The following AHCYL1 variants were observed in gnomAD, a reference collection of about 807,000 sequenced individuals.
AHCYL1 encodes adenosylhomocysteinase like 1.
A neutral mutation model predicts 79.3 loss-of-function variants in AHCYL1; 20 were observed. The ratio of observed to expected loss-of-function variants is 0.25; its 90% CI spans 0.18 to 0.37. The LOEUF (loss-of-function observed/expected upper bound fraction) is 0.37. Among genes scored for constraint, AHCYL1 ranks in the 10% least tolerant of loss-of-function variants. The probability of loss-of-function intolerance (pLI) is 1.00; values close to 1 mark genes in which losing one functional copy is unlikely to be tolerated. For synonymous variants in AHCYL1, 223 were observed against 242.2 expected, an observed-to-expected ratio of 0.92 and a Z score of 0.74; for missense variants, 330 against 673.6, an observed-to-expected ratio of 0.49 and a Z score of 5.65.
intron 1 of AHCYL1, among the ~76,000 whole-genome samples, chr1:109,990,307 G>A (rs77598484): frequency 5.2e-4 from 79 of 152,250 alleles, no homozygotes; most frequent in Non-Finnish European, 1.0e-3. Flanking sequence ...TGGTTGAGAG[G>A]GTTAGCATTT....
chr1:110,018,319 C>T, intron 11 of AHCYL1, 54 bp from the exon 12 acceptor site: 3 of 1,560,410 alleles, frequency 1.9e-6, no homozygotes, highest in East Asian at 2.3e-5. Flanking sequence ...GAAAGCCAGC[C>T]AGTACCTTTG....
chr1:110,019,213 C>T, intron 14 of AHCYL1, 94 bp downstream of exon 14: 4 of 1,232,556 alleles, frequency 3.2e-6, no homozygotes, highest in Middle Eastern at 1.9e-4. Flanking sequence ...ATGTTCTCAT[C>T]ATCCTATTCT....
chr1:110,000,114 A>G (rs1650229393), intron 1 of AHCYL1, among the ~76,000 whole-genome samples: 1 of 152,220 alleles, frequency 6.6e-6, no homozygotes, highest in African/African-American at 2.4e-5. Context: ...CATTTAAAGT[A>G]TATTCTCTGT....
chr1:109,997,445 CCTT>C (rs2101703087), intron 1 of AHCYL1, among the ~76,000 whole-genome samples: 1 of 152,272 alleles, frequency 6.6e-6, no homozygotes, highest in Admixed American at 6.5e-5. Context: ...GCAGCTTTCT[CCTT>C]AAGCCAAAGT....
chr1:110,017,705 G>A, intron 10 of AHCYL1, 122 bp downstream of exon 10: 2 of 1,113,704 alleles, frequency 1.8e-6, no homozygotes, highest in Non-Finnish European at 2.6e-6. Flanking sequence ...GGCTAGGACT[G>A]CTCTGTTCTT....
intron 1 of AHCYL1, among the ~76,000 whole-genome samples, chr1:110,001,373 G>A (rs1049110830): frequency 6.6e-6 from 1 of 152,028 alleles, no homozygotes; most frequent in African/African-American, 2.4e-5. Flanking sequence ...TTTTAGTAGA[G>A]ATGGGTTTCA....
At chr1:109,989,511 G>A (rs1345329582) in intron 1 of AHCYL1, among the ~76,000 whole-genome samples, 5 of 152,024 alleles carry the variant, frequency 3.3e-5, no homozygotes, top group African/African-American at 1.2e-4. Flanking sequence ...GAGCCACCAC[G>A]CCCACCCCAA....
intron 7 of AHCYL1, 105 bp downstream of exon 7, chr1:110,015,636 A>G (rs966490583): frequency 3.6e-6 from 3 of 844,040 alleles, no homozygotes; most frequent in African/African-American, 4.0e-5. Context: ...CTAAATGGGA[A>G]TATCTTCATT....
At chr1:109,986,394 G>A (rs1557756883) in intron 1 of AHCYL1, among the ~76,000 whole-genome samples, 5 of 151,750 alleles carry the variant, frequency 3.3e-5, no homozygotes, top group Middle Eastern at 3.4e-3. Flanking sequence ...AAGACGAGTC[G>A]CCATTGTGTG....
chr1:109,990,115 G>A (rs1264100543), intron 1 of AHCYL1, among the ~76,000 whole-genome samples: 1 of 152,138 alleles, frequency 6.6e-6, no homozygotes, highest in Non-Finnish European at 1.5e-5. Context: ...TACATAAGAC[G>A]CCTTTAACTT....
At chr1:109,995,908 G>A (rs1356177680) in intron 1 of AHCYL1, among the ~76,000 whole-genome samples, 1 of 152,174 alleles carries the variant, frequency 6.6e-6, no homozygotes, top group East Asian at 1.9e-4. Flanking sequence ...GGCCAACATT[G>A]TTCGGAAATC....
At chr1:109,998,098 C>T (rs1352476256) in intron 1 of AHCYL1, among the ~76,000 whole-genome samples, 1 of 152,178 alleles carries the variant, frequency 6.6e-6, no homozygotes, top group East Asian at 1.9e-4. Flanking sequence ...TCATTGTTTG[C>T]TCAGTGATGC....
chr1:109,985,243 C>T, intron 1 of AHCYL1, 71 bp downstream of exon 1: 1 of 1,541,722 alleles, frequency 6.5e-7, no homozygotes, highest in Non-Finnish European at 8.7e-7. Context: ...CAAGCCCGGG[C>T]TCTGGCTAGT....
chr1:110,021,668 T>A lies in AHCYL1; in HGVS notation c.1587-6T>A. 1 of 1,612,242 alleles carries A rather than the reference T, an allele frequency of 6.2e-7. No individual in the cohort carries two copies. Among genetic ancestry groups the A allele is most frequent in the Non-Finnish European group, 8.5e-7 (1 of 1,178,774 alleles). On this transcript the variant is annotated splice_region_variant and splice_polypyrimidine_tract_variant and intron_variant, in intron 16 of 16. Coordinates refer to ENST00000369799, the MANE Select transcript of AHCYL1 (RefSeq NM_006621.7). ...AGTGTTAACCAATCACTCTCTCTCT[T>A]TACAGATACTAATGGACCATACTAC... is the stretch of plus-strand genomic sequence containing the variant.
intron 5 of AHCYL1, among the ~76,000 whole-genome samples, chr1:110,013,869 C>T (rs1172695592): frequency 2.7e-5 from 4 of 147,358 alleles, no homozygotes; most frequent in Non-Finnish European, 5.9e-5. Context: ...GGCGCAGTCT[C>T]GGCTCACTGC....
Position 110,020,804 on chromosome 1 carries a change from A to G in AHCYL1, c.1539A>G (p.Lys513=), listed in dbSNP as rs1039074356. 4 of 1,613,900 alleles carry G rather than the reference A, an allele frequency of 2.5e-6. No individual in the cohort carries two copies. The highest frequency in any genetic ancestry group is 3.4e-6 in the Non-Finnish European group (4 of 1,179,928). ...CAGAGCTGACAGATGACCAAGCAAA[A>G]TATCTGGGACTCAACAAAAATGGGC... The part of the protein sequence containing the change: ...HLTELTDDQA[K]YLGLNKNGPF... The change falls in exon 16 of 17, where the codon AAA becomes AAG. Residue 513 remains lysine (K), a synonymous_variant. Transcript: ENST00000369799.
chr1:110,004,275 T>C (rs1006982265), intron 1 of AHCYL1: 1 of 985,236 alleles, frequency 1.0e-6, no homozygotes, highest in African/African-American at 1.7e-5. Flanking sequence ...TCAGGCCCCA[T>C]CTGGGGAGAG....
chr1:110,014,990 A>G, intron 6 of AHCYL1, 133 bp downstream of exon 6: 2 of 812,538 alleles, frequency 2.5e-6, no homozygotes, highest in South Asian at 1.6e-5. Flanking sequence ...GTTTAGCTTG[A>G]TACCTATTCA....
chr1:110,004,330 G>A, intron 1 of AHCYL1: 1 of 985,444 alleles, frequency 1.0e-6, no homozygotes, highest in Non-Finnish European at 1.2e-6. Context: ...GCCGGGAGCA[G>A]CCAAAACCTG....
Sources: allele counts gnomAD v4.1 joint callset (sites outside exome capture counted in the v4.1 genomes callset), GRCh38; gene constraint gnomAD v4.1.1; transcripts MANE v1.5; gene names NCBI Gene and HGNC (gene_info 2026-07-23, HGNC 2026-07-21).